Variants in ZFYVE28 observed in about 807,000 individuals in gnomAD.
The protein encoded by ZFYVE28 is zinc finger FYVE-type containing 28.
ZFYVE28 carries 40 observed loss-of-function variants against 82.1 expected under a neutral mutation model. That is an observed-to-expected ratio of 0.49 (90% confidence interval 0.38 to 0.63). The LOEUF (loss-of-function observed/expected upper bound fraction) is 0.63, where lower values mean the gene tolerates loss of function less well. Ranked by LOEUF, ZFYVE28 falls within the 30% of genes least tolerant of loss-of-function variation. The probability of loss-of-function intolerance (pLI) is 0.00; values close to 1 mark genes in which losing one functional copy is unlikely to be tolerated. For missense variants in ZFYVE28, 1,321 were observed against 1,242.1 expected, an observed-to-expected ratio of 1.06 and a Z score of -0.96; for synonymous variants, 612 against 546.1, an observed-to-expected ratio of 1.12 and a Z score of -1.68.
chr4:2,288,445 T>A (rs1392903335), intron 8 of ZFYVE28, among the ~76,000 whole-genome samples: 1 of 152,144 alleles, frequency 6.6e-6, no homozygotes, highest in African/African-American at 2.4e-5. Context: ...GGGGCCACAG[T>A]GGAGCAGCAG....
chr4:2,322,154 C>A (rs575671312), intron 6 of ZFYVE28, among the ~76,000 whole-genome samples: 2 of 152,314 alleles, frequency 1.3e-5, no homozygotes, highest in South Asian at 4.1e-4. Context: ...AGAGAAGGCC[C>A]GTGGGACAGG....
Position 2,394,073 on chromosome 4 carries a change from G to C in ZFYVE28, c.39+24212C>G, listed in dbSNP as rs371578972. 1.3e-4 allele frequency among the ~76,000 whole-genome samples: 20 copies of C among 152,258 alleles called. No individual in the cohort carries two copies. The South Asian group carries it at 2.5e-3, about 19-fold the overall frequency. On this transcript the variant is annotated intron_variant, in intron 1 of 12. Coordinates refer to ENST00000290974, the MANE Select transcript of ZFYVE28 (RefSeq NM_020972.3). This position sits in a 1 kb window ranked among gnomAD's most constrained non-coding sequence, Gnocchi z 4.0. ...CGCACGGCCGCCTCCCGGACCTTCA[G>C]AGCCAGCGGCATTGCACGTCTACAG...
At position 2,372,822 on chromosome 4, in the gene ZFYVE28, G is replaced by A. The variant is rs1236858175; in HGVS notation, c.40-18749C>T. Among the ~76,000 whole-genome samples the A allele has an allele frequency of 1.3e-5, 2 of 152,036 alleles. No homozygotes were observed. Among genetic ancestry groups the A allele is most frequent in the South Asian group, 2.1e-4 (1 of 4,822 alleles). Reference sequence around the variant, plus strand: ...CACACCCCTAAGACCTAGCCTCCCCGAGGCCTCTCCCCATGGCTGACTCAC... The same window carrying A: ...CACACCCCTAAGACCTAGCCTCCCCAAGGCCTCTCCCCATGGCTGACTCAC... On this transcript the variant is annotated intron_variant, in intron 1 of 12. Coordinates refer to ENST00000290974, the MANE Select transcript of ZFYVE28 (RefSeq NM_020972.3). This position sits in a 1 kb window ranked among gnomAD's most constrained non-coding sequence, Gnocchi z 5.2.
chr4:2,271,007 G>C, intron 12 of ZFYVE28, 151 bp from the exon 13 acceptor site: 1 of 1,192,242 alleles, frequency 8.4e-7, no homozygotes, highest in East Asian at 2.6e-5. Flanking sequence ...TGACCTTCAG[G>C]AGGCTGGACT....
chr4:2,390,026 A>C (rs1312540180), intron 1 of ZFYVE28, among the ~76,000 whole-genome samples: 2 of 152,232 alleles, frequency 1.3e-5, no homozygotes, highest in African/African-American at 2.4e-5. Context: ...GAACTTGTGA[A>C]TGTGACCATA....
rs1156276688 is a variant in ZFYVE28 at position 2,362,330 on chromosome 4, G to A, written c.40-8257C>T. Among the ~76,000 whole-genome samples, 2 of 152,098 alleles carry A rather than the reference G, an allele frequency of 1.3e-5. No homozygotes were observed. Among genetic ancestry groups the A allele is most frequent in the African/African-American group, 2.4e-5 (1 of 41,400 alleles). ...CCAGCACCAGGAATCCAAGAGCATCGCAAAGAAGCCAGGGAAGAGCCTCTG... is the reference window on the plus strand; with the variant it reads ...CCAGCACCAGGAATCCAAGAGCATCACAAAGAAGCCAGGGAAGAGCCTCTG... On this transcript the variant is annotated intron_variant, in intron 1 of 12. Coordinates refer to ENST00000290974, the MANE Select transcript of ZFYVE28 (RefSeq NM_020972.3). The surrounding 1 kb of genome is among the most constrained non-coding windows in gnomAD (Gnocchi z 5.1).
At chr4:2,366,672 G>A (rs1368420599) in intron 1 of ZFYVE28, among the ~76,000 whole-genome samples, 1 of 152,224 alleles carries the variant, frequency 6.6e-6, no homozygotes, top group African/African-American at 2.4e-5. Flanking sequence ...CTGCCCCTTG[G>A]GGCATGGCAA....
chr4:2,286,034 C>G (rs1712680742), intron 8 of ZFYVE28: 1 of 152,440 alleles, frequency 6.6e-6, no homozygotes, highest in Admixed American at 6.5e-5. Context: ...TCACTGCTCC[C>G]CCACCCACCT....
intron 1 of ZFYVE28, among the ~76,000 whole-genome samples, chr4:2,377,946 C>T (rs1728332232): frequency 6.6e-6 from 1 of 152,202 alleles, no homozygotes; most frequent in Non-Finnish European, 1.5e-5. Flanking sequence ...GGGCCACAAA[C>T]CTGCACAGCA....
At chr4:2,397,244 G>A (rs1054039352) in intron 1 of ZFYVE28, among the ~76,000 whole-genome samples, 1 of 152,046 alleles carries the variant, frequency 6.6e-6, no homozygotes, top group African/African-American at 2.4e-5. Context: ...GGCCAAGGTG[G>A]GTGGATCACC....
Position 2,394,558 on chromosome 4 carries a change from G to A in ZFYVE28, c.39+23727C>T, listed in dbSNP as rs1265627407. Among the ~76,000 whole-genome samples, 1 of 152,222 alleles carries A rather than the reference G, an allele frequency of 6.6e-6. No homozygotes were observed. Among genetic ancestry groups the A allele is most frequent in the African/African-American group, 2.4e-5 (1 of 41,456 alleles). Reference sequence around the variant, plus strand: ...GCATGAGAAGGGTCATGAACCACAAGTTATGATGGCTCCAGCTGTGTGCAC... The same window carrying A: ...GCATGAGAAGGGTCATGAACCACAAATTATGATGGCTCCAGCTGTGTGCAC... On this transcript the variant is annotated intron_variant, in intron 1 of 12. Coordinates refer to ENST00000290974, the MANE Select transcript of ZFYVE28 (RefSeq NM_020972.3). This position sits in a 1 kb window ranked among gnomAD's most constrained non-coding sequence, Gnocchi z 4.0.
At chr4:2,358,382 T>C (rs1340466760) in intron 1 of ZFYVE28, among the ~76,000 whole-genome samples, 1 of 152,212 alleles carries the variant, frequency 6.6e-6, no homozygotes, top group Admixed American at 6.5e-5. Flanking sequence ...GGGAAAATGC[T>C]AGAAACGGGC....
chr4:2,337,124 G>A (rs576302335), intron 5 of ZFYVE28, among the ~76,000 whole-genome samples: 3 of 152,074 alleles, frequency 2.0e-5, no homozygotes, highest in African/African-American at 4.8e-5. Context: ...TTTGTCCTCT[G>A]ACAGTGACTT....
intron 8 of ZFYVE28, among the ~76,000 whole-genome samples, chr4:2,301,032 C>A (rs1030428165): frequency 6.6e-6 from 1 of 152,206 alleles, no homozygotes; most frequent in Non-Finnish European, 1.5e-5. Context: ...TCACTTAACA[C>A]CAGCCATGCT....
At chr4:2,316,315 TG>T (rs1001289432) in intron 7 of ZFYVE28, 4 of 152,256 alleles carry the variant, frequency 2.6e-5, no homozygotes, top group Non-Finnish European at 4.4e-5. Context: ...ATTTCTGACC[TG>T]GGCAGGTTCA....
intron 1 of ZFYVE28, among the ~76,000 whole-genome samples, chr4:2,399,130 T>TCTAAGGCACAAGGAG (rs1553865445): frequency 9.6e-6 from 1 of 104,652 alleles, no homozygotes; most frequent in Non-Finnish European, 1.9e-5. Flanking sequence ...GGGCACAAGC[T>TCTAAGGCACAAGGAG]GGGTGGTGAG....
intron 1 of ZFYVE28, among the ~76,000 whole-genome samples, chr4:2,360,940 AATTTC>A (rs996291597): frequency 4.6e-5 from 7 of 152,224 alleles, no homozygotes; most frequent in African/African-American, 1.7e-4. Flanking sequence ...GACATTTTAC[AATTTC>A]ATTTTAAATT....
rs17132428 is a variant in ZFYVE28 at position 2,304,065 on chromosome 4, C to T, written c.2051+224G>A. 7.7e-3 allele frequency among the ~76,000 whole-genome samples: 1,175 copies of T among 152,342 alleles called. 14 individuals are homozygous for T. The highest frequency in any genetic ancestry group is 0.027 in the African/African-American group (1,112 of 41,576). ...AGAAACAGGGAAGCGGGCCCGCTGG[C>T]GCACATTTTCTGGTGCATGACGCCC... On this transcript the variant is annotated intron_variant, in intron 8 of 12. Transcript: ENST00000290974.
At chr4:2,356,234 C>T (rs1200109178) in intron 1 of ZFYVE28, among the ~76,000 whole-genome samples, 1 of 152,232 alleles carries the variant, frequency 6.6e-6, no homozygotes, top group Non-Finnish European at 1.5e-5. Flanking sequence ...CGGCTGCATG[C>T]ACCTGAGACC....
Sources: gnomAD v4.1 joint callset for allele counts (sites outside exome capture counted in the v4.1 genomes callset) on GRCh38, gnomAD v4.1.1 for gene constraint, Gnocchi (gnomAD v3.1) non-coding constraint, MANE v1.5 for transcripts, NCBI Gene and HGNC (gene_info 2026-07-23, HGNC 2026-07-21) for gene names.